The following BAIAP2 variants were observed in gnomAD, a reference collection of about 807,000 sequenced individuals.
The protein encoded by BAIAP2 is BAR/IMD domain containing adaptor protein 2, also known as BAR/IMD domain-containing adapter protein 2.
A neutral mutation model predicts 63.0 loss-of-function variants in BAIAP2; 18 were observed. The observed-to-expected ratio is 0.29, with a 90% CI of 0.20 to 0.42. The LOEUF (loss-of-function observed/expected upper bound fraction) is 0.42. Ranked by LOEUF, BAIAP2 falls within the 10% of genes least tolerant of loss-of-function variation. BAIAP2 has a pLI of 1.00. For synonymous variants in BAIAP2, 386 were observed against 307.6 expected (o/e 1.25, Z -2.67); for missense variants, 610 against 734.3 (o/e 0.83, Z 1.96).
intron 13 of BAIAP2, chr17:81,109,522 GGGAAGGTGCT>G: frequency 1.0e-6 from 1 of 985,600 alleles, no homozygotes; most frequent in Non-Finnish European, 1.2e-6. Context: ...TGTCCGGACA[GGGAAGGTGCT>G]GGGGTCCCTG....
At position 81,048,889 on chromosome 17, in the gene BAIAP2, C is replaced by T. The variant is rs1359846633; in HGVS notation, c.55-4779C>T. 4.6e-5 allele frequency among the ~76,000 whole-genome samples: 7 copies of T among 152,232 alleles called. No individual in the cohort carries two copies. In the South Asian group the frequency reaches 8.3e-4, roughly 18 times the overall value. Reference sequence around the variant, plus strand: ...TCCCTGGGCAGGGACCCCTCCTCTCCCGGCACTTCGCGGCATGCGTCCTAT... The same window carrying T: ...TCCCTGGGCAGGGACCCCTCCTCTCTCGGCACTTCGCGGCATGCGTCCTAT... On this transcript the variant is annotated intron_variant, in intron 1 of 13. Transcript: ENST00000428708.
Position 81,109,900 on chromosome 17 carries a change from C to A in BAIAP2, c.1535+1391C>A. 3 of 985,460 alleles carry A rather than the reference C, an allele frequency of 3.0e-6. No individual in the cohort carries two copies. The South Asian group carries it at 1.4e-4, about 46-fold the overall frequency. The allele number at this position is 985,460 out of a possible 1,614,324, so 61.0% of individuals were successfully genotyped here. On this transcript the variant is annotated intron_variant, in intron 13 of 13. Coordinates refer to ENST00000428708, the MANE Select transcript of BAIAP2 (RefSeq NM_001144888.2). ...CTCTGGGCAGGGTGTGCGGGCCGGG[C>A]CCGGCTGGGGGAGGGCAGCTCTGGG...
chr17:81,055,569 G>GTTTTTTTTTTTTTTTTTTTTTTTTTTTT (rs1555657837), intron 2 of BAIAP2, among the ~76,000 whole-genome samples: 4 of 94,184 alleles, frequency 4.2e-5, no homozygotes, highest in Non-Finnish European at 6.4e-5. Context: ...TCTGCAGGGT[G>GTTTTTTTTTTTTTTTTTTTTTTTTTTTT]TTTTGTTTTT....
intron 4 of BAIAP2, chr17:81,085,137 C>T (rs933232075): frequency 1.2e-5 from 7 of 576,840 alleles, no homozygotes; most frequent in Admixed American, 3.0e-5. Context: ...CGCTGGGCTC[C>T]AGGGAGAGTC....
chr17:81,113,876 CGGGGCAGG>C (rs1568203664), intron 13 of BAIAP2, among the ~76,000 whole-genome samples: 1 of 151,414 alleles, frequency 6.6e-6, no homozygotes, highest in Non-Finnish European at 1.5e-5. Context: ...GGCTGTGATT[CGGGGCAGG>C]AGTGAGAACC....
chr17:81,090,572 CA>C (rs1285140542), intron 6 of BAIAP2, among the ~76,000 whole-genome samples: 1 of 152,252 alleles, frequency 6.6e-6, no homozygotes, highest in Admixed American at 6.5e-5. Flanking sequence ...GGTTTCGAAA[CA>C]ACATTTTGGG....
At chr17:81,069,476 C>T (rs2052158590) in intron 3 of BAIAP2, among the ~76,000 whole-genome samples, 1 of 152,156 alleles carries the variant, frequency 6.6e-6, no homozygotes, top group East Asian at 1.9e-4. Context: ...GTCTGAACTG[C>T]CCACCTGGCT....
rs754078158 is a variant in BAIAP2, at chr17:81,103,896, C to T, written c.865-11C>T. 1 of 1,612,710 alleles carries T rather than the reference C, an allele frequency of 6.2e-7. No individual in the cohort carries two copies. Among genetic ancestry groups the T allele is most frequent in the South Asian group, 1.1e-5 (1 of 91,072 alleles). ...CTCCAGCAACAGCCTGCTCTGCCTG[C>T]TTCCCTGCAGCGGATGTCTGCCCAG... On this transcript the variant is annotated splice_polypyrimidine_tract_variant and intron_variant, in intron 8 of 13. Coordinates refer to ENST00000428708, the MANE Select transcript of BAIAP2 (RefSeq NM_001144888.2).
rs1192763749 is a variant in BAIAP2 at position 81,096,822 on chromosome 17, G to T, written c.490-3106G>T. ...CTGTCGCACTCTACCCCTTCCTGGAGAAGGAGCCTCAGAGGTCACTGGAGG... is the reference window on the plus strand; with the variant it reads ...CTGTCGCACTCTACCCCTTCCTGGATAAGGAGCCTCAGAGGTCACTGGAGG... On this transcript the variant is annotated intron_variant, in intron 6 of 13. Transcript: ENST00000428708. 3.9e-5 allele frequency among the ~76,000 whole-genome samples: 6 copies of T among 152,368 alleles called. No homozygotes were observed. The East Asian group carries it at 9.6e-4, about 24-fold the overall frequency.
chr17:81,065,714 G>A (rs12325852), intron 3 of BAIAP2, among the ~76,000 whole-genome samples: 10,478 of 152,314 alleles, frequency 0.069, 496 homozygotes, highest in East Asian at 0.24. Context: ...GCTGGCCAAC[G>A]GGAGAGGCAG....
intron 3 of BAIAP2, among the ~76,000 whole-genome samples, chr17:81,081,051 C>A (rs537384264): frequency 1.3e-5 from 2 of 152,248 alleles, no homozygotes; most frequent in Admixed American, 1.3e-4. Flanking sequence ...TGGGTTCCCC[C>A]TCTCAGGCCA....
Position 81,106,797 on chromosome 17 carries a change from C to T in BAIAP2, c.1390C>T (p.Leu464=). The part of the protein sequence containing the change: ...STGNLLDKDD[L]AIPPPDYGAA... ...GGGCAACCTCCTGGACAAGGACGAC[C>T]TGGCCATCCCACCCCCCGATTACGG... The change falls in exon 12 of 14, where the codon CTG becomes TTG. Residue 464 remains leucine, a synonymous_variant. Transcript: ENST00000428708. 6.2e-7 allele frequency: 1 copy of T among 1,612,540 alleles called. No individual in the cohort carries two copies. The highest frequency in any genetic ancestry group is 1.3e-5 in the African/African-American group (1 of 75,048).
intron 13 of BAIAP2, among the ~76,000 whole-genome samples, chr17:81,114,107 G>T (rs1390214517): frequency 2.0e-5 from 3 of 151,132 alleles, no homozygotes; most frequent in Non-Finnish European, 4.4e-5. Flanking sequence ...TGGGACCACA[G>T]GCATGCACCA....
intron 3 of BAIAP2, chr17:81,082,990 G>T (rs939880206): frequency 6.6e-6 from 1 of 152,504 alleles, no homozygotes; most frequent in South Asian, 2.1e-4. Context: ...GCCCTGGTCA[G>T]TGCTCAGAGG....
intron 5 of BAIAP2, 110 bp downstream of exon 5, chr17:81,085,835 C>A: frequency 2.5e-6 from 2 of 814,430 alleles, no homozygotes; most frequent in Admixed American, 2.1e-5. Flanking sequence ...CCGAGCTCCC[C>A]GTCCACATGG....
chr17:81,043,834 C>T lies in BAIAP2; in HGVS notation c.54+8526C>T, dbSNP rs1281961798. The stretch of plus-strand genomic sequence containing the variant: ...AGGGCCCTCTGGCTCTCCAGCCGCG[C>T]GTCTGTCCTTCCGTTCGGGAGTTCG... On this transcript the variant is annotated intron_variant, in intron 1 of 13. Coordinates refer to ENST00000428708, the MANE Select transcript of BAIAP2 (RefSeq NM_001144888.2). Among the ~76,000 whole-genome samples the T allele has an allele frequency of 7.9e-5, 12 of 152,242 alleles. No homozygotes were observed. In the South Asian group the frequency reaches 1.2e-3, roughly 16 times the overall value.
chr17:81,079,060 C>T (rs1395442042), intron 3 of BAIAP2, among the ~76,000 whole-genome samples: 1 of 152,190 alleles, frequency 6.6e-6, no homozygotes, highest in African/African-American at 2.4e-5. Context: ...GCTGGGGACT[C>T]AGCAGATGGA....
chr17:81,069,656 G>A (rs2052204885), intron 3 of BAIAP2, among the ~76,000 whole-genome samples: 1 of 152,198 alleles, frequency 6.6e-6, no homozygotes, highest in African/African-American at 2.4e-5. Flanking sequence ...CGGGGGGCGT[G>A]GTTCTCCATC....
At chr17:81,074,171 G>C (rs1464758140) in intron 3 of BAIAP2, among the ~76,000 whole-genome samples, 10 of 152,246 alleles carry the variant, frequency 6.6e-5, no homozygotes, top group Admixed American at 5.2e-4. Context: ...ATGAGGCAGA[G>C]AAGGTCCTTG....
Sources: gnomAD v4.1 joint callset for allele counts (sites outside exome capture counted in the v4.1 genomes callset) on GRCh38, gnomAD v4.1.1 for gene constraint, MANE v1.5 for transcripts, NCBI Gene and HGNC (gene_info 2026-07-23, HGNC 2026-07-21) for gene names.